IMMP2L: variants seen among roughly 807,000 people sequenced by gnomAD.
The protein encoded by IMMP2L is mitochondrial inner membrane protease subunit 2.
A neutral mutation model predicts 19.3 loss-of-function variants in IMMP2L; 18 were observed. The observed-to-expected ratio is 0.93, with a 90% CI of 0.64 to 1.38. The LOEUF is 1.38. IMMP2L is among the 40% of genes most tolerant of loss of function. The pLI, the probability that IMMP2L is intolerant of heterozygous loss-of-function variation, is 0.00. For synonymous variants in IMMP2L, 76 were observed against 73.0 expected, an observed-to-expected ratio of 1.04 and a Z score of -0.21; for missense variants, 233 against 218.2, an observed-to-expected ratio of 1.07 and a Z score of -0.43.
At chr7:110,815,378 T>A (rs1196775759) in intron 5 of IMMP2L, among the ~76,000 whole-genome samples, 1 of 152,090 alleles carries the variant, frequency 6.6e-6, no homozygotes, top group Non-Finnish European at 1.5e-5. Flanking sequence ...CAGTATTTTA[T>A]TGAGGATTTT....
chr7:111,191,469 CACACAA>C (rs1004351185), intron 3 of IMMP2L, among the ~76,000 whole-genome samples: 29 of 109,678 alleles, frequency 2.6e-4, no homozygotes, highest in African/African-American at 8.4e-4. Flanking sequence ...CACACACACA[CACACAA>C]AACTTATATG....
chr7:111,169,001 C>T (rs1175741845), intron 3 of IMMP2L, among the ~76,000 whole-genome samples: 2 of 151,822 alleles, frequency 1.3e-5, no homozygotes, highest in East Asian at 3.9e-4. Flanking sequence ...TAACTAACTC[C>T]ATTTTTGTTA....
At chr7:110,915,769 A>C (rs1813541816) in intron 4 of IMMP2L, among the ~76,000 whole-genome samples, 1 of 152,028 alleles carries the variant, frequency 6.6e-6, no homozygotes, top group African/African-American at 2.4e-5. Flanking sequence ...AATTGTTTTA[A>C]AATTAAAAAA....
At chr7:111,191,600 C>T (rs1279313066) in intron 3 of IMMP2L, among the ~76,000 whole-genome samples, 1 of 152,008 alleles carries the variant, frequency 6.6e-6, no homozygotes, top group African/African-American at 2.4e-5. Context: ...GGAAGTATTC[C>T]TCCTGACAGG....
At position 111,503,401 on chromosome 7, in the gene IMMP2L, G is replaced by A. The variant is rs201049394; in HGVS notation, c.136-16060C>T. 5.2e-3 allele frequency among the ~76,000 whole-genome samples: 796 copies of A among 152,180 alleles called. 24 individuals are homozygous for A. The East Asian group carries it at 0.076, about 15-fold the overall frequency. On this transcript the variant is annotated intron_variant, in intron 2 of 5. Coordinates refer to ENST00000405709, the MANE Select transcript of IMMP2L (RefSeq NM_032549.4). ...AATTCTACCAGAGGTACAAGGAGGAGCTGGTACCATTCCTTCTGAAACTAT... is the reference window on the plus strand; with the variant it reads ...AATTCTACCAGAGGTACAAGGAGGAACTGGTACCATTCCTTCTGAAACTAT...
chr7:110,960,109 C>G (rs1001763003), intron 4 of IMMP2L, among the ~76,000 whole-genome samples: 1 of 151,898 alleles, frequency 6.6e-6, no homozygotes, highest in Non-Finnish European at 1.5e-5. Flanking sequence ...CTTGGTATTC[C>G]TAATCCTGTT....
intron 3 of IMMP2L, among the ~76,000 whole-genome samples, chr7:111,240,392 C>G (rs1051447914): frequency 6.6e-6 from 1 of 151,854 alleles, no homozygotes; most frequent in African/African-American, 2.4e-5. Context: ...AATAGGCTGT[C>G]TTTATTAGTG....
rs752631512 is a variant in IMMP2L, at chr7:110,902,931, C to CAAA, written c.306-16239_306-16237dup. ...TGGGCGACAGAGCGAGACTCCGTCT[C>CAAA]AAAAAAAAAAAAAAAAAAAAAAAAA... On this transcript the variant is annotated intron_variant, in intron 4 of 5. Coordinates refer to ENST00000405709, the MANE Select transcript of IMMP2L (RefSeq NM_032549.4). 2.5e-3 allele frequency among the ~76,000 whole-genome samples: 21 copies of CAAA among 8,506 alleles called. 1 individual carries two copies. Among genetic ancestry groups the CAAA allele is most frequent in the African/African-American group, 4.9e-3 (8 of 1,624 alleles). 5.6% of individuals were successfully genotyped at this position (8,506 alleles called of 152,430 possible).
At chr7:110,849,275 A>G (rs560023551) in intron 5 of IMMP2L, among the ~76,000 whole-genome samples, 4 of 152,160 alleles carry the variant, frequency 2.6e-5, no homozygotes, top group African/African-American at 9.6e-5. Flanking sequence ...CTCAGTGTAC[A>G]TATCTATCTG....
At chr7:111,104,610 C>T (rs1798339953) in intron 3 of IMMP2L, among the ~76,000 whole-genome samples, 1 of 151,650 alleles carries the variant, frequency 6.6e-6, no homozygotes, top group Non-Finnish European at 1.5e-5. Flanking sequence ...CATCATTAAT[C>T]CCCCTATCTA....
At chr7:110,730,146 G>A (rs1258335801) in intron 5 of IMMP2L, among the ~76,000 whole-genome samples, 1 of 152,106 alleles carries the variant, frequency 6.6e-6, no homozygotes, top group Non-Finnish European at 1.5e-5. Flanking sequence ...TGGATTGAAG[G>A]ATGCAAATTA....
intron 3 of IMMP2L, among the ~76,000 whole-genome samples, chr7:111,216,862 C>T (rs111444102): frequency 2.6e-5 from 4 of 152,154 alleles, no homozygotes; most frequent in African/African-American, 9.6e-5. Context: ...CAGTCAATCA[C>T]ATAACCATTT....
intron 1 of IMMP2L, among the ~76,000 whole-genome samples, chr7:111,542,720 G>A (rs528293081): frequency 9.9e-5 from 15 of 152,162 alleles, no homozygotes; most frequent in Admixed American, 8.5e-4. Context: ...CTATGTAAAA[G>A]GTAAATGTTC....
chr7:111,071,970 A>G (rs1054253963), intron 3 of IMMP2L, among the ~76,000 whole-genome samples: 7 of 152,216 alleles, frequency 4.6e-5, no homozygotes. Context: ...CATCCACTAA[A>G]AAAATGAGGG....
chr7:111,069,947 C>T (rs931170403), intron 3 of IMMP2L, among the ~76,000 whole-genome samples: 3 of 152,080 alleles, frequency 2.0e-5, no homozygotes, highest in Non-Finnish European at 2.9e-5. Context: ...CCTTGGGTAC[C>T]GGCATCCCTA....
At chr7:111,392,729 A>G (rs1369655217) in intron 3 of IMMP2L, 2 of 456,200 alleles carry the variant, frequency 4.4e-6, no homozygotes, top group Non-Finnish European at 8.8e-6. Flanking sequence ...CTGAGGTGGG[A>G]GGGTCCTCCC....
At chr7:111,086,835 G>A (rs913210900) in intron 3 of IMMP2L, among the ~76,000 whole-genome samples, 13 of 152,268 alleles carry the variant, frequency 8.5e-5, no homozygotes, top group Middle Eastern at 6.8e-3. Flanking sequence ...TAAAAATTCC[G>A]TCATCAAACC....
At chr7:111,028,227 G>C (rs1040787351) in intron 3 of IMMP2L, among the ~76,000 whole-genome samples, 1 of 152,176 alleles carries the variant, frequency 6.6e-6, no homozygotes, top group South Asian at 2.1e-4. Context: ...TGGTAAAGTA[G>C]ACTTACATTG....
intron 3 of IMMP2L, among the ~76,000 whole-genome samples, chr7:111,171,802 A>G (rs998690697): frequency 6.6e-6 from 1 of 151,550 alleles, no homozygotes; most frequent in African/African-American, 2.4e-5. Context: ...GGTAGCTTAC[A>G]CTAAAAGCAG....
Sources: gnomAD v4.1 joint callset for allele counts (sites outside exome capture counted in the v4.1 genomes callset) on GRCh38, gnomAD v4.1.1 for gene constraint, MANE v1.5 for transcripts, NCBI Gene and HGNC (gene_info 2026-07-23, HGNC 2026-07-21) for gene names.